The following PJA2 variants were observed in gnomAD, a reference collection of about 807,000 sequenced individuals.
The protein encoded by PJA2 is praja ring finger ubiquitin ligase 2.
In PJA2, 25 loss-of-function variants were observed where a neutral mutation model predicts 69.3. The observed-to-expected ratio is 0.36, with a 90% CI of 0.26 to 0.50. The LOEUF (loss-of-function observed/expected upper bound fraction) is 0.50, where lower values mean the gene tolerates loss of function less well. Ranked by LOEUF, PJA2 falls within the 20% of genes least tolerant of loss-of-function variation. PJA2 has a pLI of 0.96. For synonymous variants in PJA2, 308 were observed against 277.8 expected (o/e 1.11, Z -1.08); for missense variants, 809 against 830.2 (o/e 0.97, Z 0.31).
chr5:109,378,684 T>G lies in PJA2; in HGVS notation c.803A>C (p.Lys268Thr). Residue 268 changes from lysine (K) to threonine (T), a missense_variant, in exon 4 of 10, where the codon AAA becomes ACA. Lys to Thr is a moderately conservative substitution (Grantham distance 78). Around this residue, in one of 4 missense-constraint regions of PJA2, gnomAD observed 700 missense variants for 639.5 expected, o/e 1.09. Transcript: ENST00000361189. ...TTCCTGGCTAGTATTATTTTGTTGTTTCGTACTAACCATTTCATCTTGAGA... is the reference window on the plus strand; with the variant it reads ...TTCCTGGCTAGTATTATTTTGTTGTGTCGTACTAACCATTTCATCTTGAGA... ...RSSQDEMVST[K>T]QQNNTSQERQ... is the part of the protein sequence containing the mutation. The G allele has an allele frequency of 6.2e-7, 1 of 1,613,874 alleles. No individual in the cohort carries two copies. Among genetic ancestry groups the G allele is most frequent in the East Asian group, 2.2e-5 (1 of 44,892 alleles).
chr5:109,349,424 C>T (rs1762216162), intron 7 of PJA2, among the ~76,000 whole-genome samples: 1 of 152,130 alleles, frequency 6.6e-6, no homozygotes, highest in Non-Finnish European at 1.5e-5. Flanking sequence ...GAGTGATGTT[C>T]GTGGCTTTCT....
rs1002028512 is a variant in PJA2 at position 109,337,544 on chromosome 5, A to C, written c.2002-188T>G. Among the ~76,000 whole-genome samples, 12 of 152,092 alleles carry C rather than the reference A, an allele frequency of 7.9e-5. No homozygotes were observed. In the South Asian group the frequency reaches 2.3e-3, roughly 29 times the overall value. On this transcript the variant is annotated intron_variant, in intron 9 of 9. Coordinates refer to ENST00000361189, the MANE Select transcript of PJA2 (RefSeq NM_014819.5). ...TTTCCTCCCTGCCCAATCAGACTCT[A>C]GTTTCTTTGAGGGTAAATGATGTCT...
chr5:109,356,829 T>C (rs1033745828), intron 6 of PJA2, among the ~76,000 whole-genome samples: 3 of 152,122 alleles, frequency 2.0e-5, no homozygotes, highest in Non-Finnish European at 4.4e-5. Flanking sequence ...AGCTCCTAAC[T>C]GCTCATTTTT....
At chr5:109,363,988 C>T (rs966101867) in intron 5 of PJA2, among the ~76,000 whole-genome samples, 2 of 152,010 alleles carry the variant, frequency 1.3e-5, no homozygotes, top group African/African-American at 4.8e-5. Flanking sequence ...GCTGTCTCTA[C>T]TAAAACTACA....
At chr5:109,366,672 T>C (rs1364223139) in intron 5 of PJA2, among the ~76,000 whole-genome samples, 3 of 115,872 alleles carry the variant, frequency 2.6e-5, no homozygotes, top group Non-Finnish European at 4.5e-5. Context: ...CATGAAGGAA[T>C]GTTATTTGTC....
At chr5:109,359,544 G>T (rs1489635098) in intron 6 of PJA2, among the ~76,000 whole-genome samples, 1 of 152,050 alleles carries the variant, frequency 6.6e-6, no homozygotes, top group Non-Finnish European at 1.5e-5. Context: ...CCACTTCCAG[G>T]GTGTTTCTGC....
chr5:109,405,418 C>A (rs1204882688), intron 1 of PJA2, among the ~76,000 whole-genome samples: 1 of 152,156 alleles, frequency 6.6e-6, no homozygotes, highest in Non-Finnish European at 1.5e-5. Flanking sequence ...AACCAACACG[C>A]AGCCTCTAAA....
chr5:109,384,778 T>C (rs1747121900), intron 1 of PJA2, among the ~76,000 whole-genome samples: 1 of 152,048 alleles, frequency 6.6e-6, no homozygotes, highest in South Asian at 2.1e-4. Context: ...AATAATAATC[T>C]TAACATACTG....
chr5:109,352,614 T>C (rs1308234687), intron 7 of PJA2, among the ~76,000 whole-genome samples: 1 of 152,114 alleles, frequency 6.6e-6, no homozygotes. Context: ...GTATTTCTGC[T>C]ATGGTTACTT....
intron 4 of PJA2, 65 bp downstream of exon 4, chr5:109,378,139 A>G (rs1378180181): frequency 8.6e-7 from 1 of 1,166,848 alleles, no homozygotes; most frequent in Non-Finnish European, 1.2e-6. Flanking sequence ...GCCATCAAAC[A>G]TGGTTCTAGA....
At chr5:109,372,577 AATGG>A (rs1212515944) in intron 4 of PJA2, among the ~76,000 whole-genome samples, 3 of 152,176 alleles carry the variant, frequency 2.0e-5, no homozygotes, top group Non-Finnish European at 2.9e-5. Flanking sequence ...AGAAAAGACA[AATGG>A]ATGTGGAAAT....
intron 7 of PJA2, among the ~76,000 whole-genome samples, chr5:109,345,812 T>A (rs751338709): frequency 6.6e-6 from 1 of 152,212 alleles, no homozygotes; most frequent in Non-Finnish European, 1.5e-5. Context: ...TTATCTGGGT[T>A]GTGAATTTCA....
intron 5 of PJA2, among the ~76,000 whole-genome samples, chr5:109,367,989 G>A (rs1036258578): frequency 1.3e-5 from 2 of 152,220 alleles, no homozygotes; most frequent in African/African-American, 4.8e-5. Flanking sequence ...TGCAACAGTA[G>A]AGGTGAGTAG....
At chr5:109,353,027 T>C (rs1385542987) in intron 7 of PJA2, among the ~76,000 whole-genome samples, 1 of 135,910 alleles carries the variant, frequency 7.4e-6, no homozygotes, top group Non-Finnish European at 1.6e-5. Flanking sequence ...TCTATAGATA[T>C]CTATATATTA....
At chr5:109,394,582 GGCA>G (rs1747365768) in intron 1 of PJA2, among the ~76,000 whole-genome samples, 1 of 152,046 alleles carries the variant, frequency 6.6e-6, no homozygotes. Context: ...TTTTGTAATT[GGCA>G]GAAAAATGTT....
At chr5:109,368,522 T>C (rs1177571445) in intron 5 of PJA2, 39 bp downstream of exon 5, 9 of 1,554,434 alleles carry the variant, frequency 5.8e-6, no homozygotes, top group Non-Finnish European at 7.9e-6. Flanking sequence ...ACCACTCTTG[T>C]ACAATATACA....
At chr5:109,368,999 A>T (rs1762629520) in intron 4 of PJA2, among the ~76,000 whole-genome samples, 1 of 152,012 alleles carries the variant, frequency 6.6e-6, no homozygotes, top group Non-Finnish European at 1.5e-5. Context: ...GTTGTTTAAA[A>T]GTGTGTGGCA....
chr5:109,373,979 C>A (rs1762718437), intron 4 of PJA2, among the ~76,000 whole-genome samples: 1 of 152,130 alleles, frequency 6.6e-6, no homozygotes, highest in African/African-American at 2.4e-5. Context: ...ATCACAGCCA[C>A]AAGAAACTCA....
At chr5:109,383,763 T>A (rs1453144555) in intron 1 of PJA2, among the ~76,000 whole-genome samples, 2 of 152,062 alleles carry the variant, frequency 1.3e-5, no homozygotes, top group East Asian at 3.9e-4. Flanking sequence ...TGAAAGTCTG[T>A]CTCTGCAAGA....
Sources: allele counts gnomAD v4.1 joint callset (sites outside exome capture counted in the v4.1 genomes callset), GRCh38; gene constraint gnomAD v4.1.1; regional missense constraint gnomAD v4.1.1; transcripts MANE v1.5; gene names NCBI Gene and HGNC (gene_info 2026-07-23, HGNC 2026-07-21).